Variants in CADPS2 observed in about 807,000 individuals in gnomAD.
CADPS2 encodes the protein calcium-dependent secretion activator 2.
In CADPS2, 93 loss-of-function variants were observed where a neutral mutation model predicts 172.5. The observed-to-expected ratio is 0.54, with a 90% CI of 0.46 to 0.64. The LOEUF is 0.64. Among genes scored for constraint, CADPS2 ranks in the 30% least tolerant of loss-of-function variants. CADPS2 has a pLI of 0.00. For missense variants in CADPS2, 1,420 were observed against 1,565.9 expected (o/e 0.91, Z 1.57); for synonymous variants, 546 against 555.2 (o/e 0.98, Z 0.23).
intron 6 of CADPS2, among the ~76,000 whole-genome samples, chr7:122,597,997 C>T (rs1474882812): frequency 2.0e-5 from 3 of 151,804 alleles, no homozygotes; most frequent in Non-Finnish European, 4.4e-5. Context: ...CCACAAAAAT[C>T]ATATATGTTT....
chr7:122,557,852 C>T (rs1466564852), intron 7 of CADPS2, among the ~76,000 whole-genome samples: 4 of 152,156 alleles, frequency 2.6e-5, no homozygotes, highest in Admixed American at 1.3e-4. Context: ...GCTCCTCCTG[C>T]TTCTAAGTAG....
intron 1 of CADPS2, among the ~76,000 whole-genome samples, chr7:122,851,998 A>G (rs1351592397): frequency 6.6e-6 from 1 of 152,242 alleles, no homozygotes; most frequent in Non-Finnish European, 1.5e-5. Flanking sequence ...TATACAAACC[A>G]GGAAACTGAG....
At chr7:122,614,599 A>C (rs997465837) in intron 6 of CADPS2, among the ~76,000 whole-genome samples, 52 of 152,192 alleles carry the variant, frequency 3.4e-4, no homozygotes, top group Admixed American at 1.2e-3. Context: ...ATGGTTCCCC[A>C]AGTTTGAATG....
At chr7:122,659,330 C>G (rs1308864573) in intron 3 of CADPS2, among the ~76,000 whole-genome samples, 1 of 96,148 alleles carries the variant, frequency 1.0e-5, no homozygotes, top group Non-Finnish European at 2.4e-5. Context: ...AAAAAAACAC[C>G]GTGGAAAAAA....
intron 19 of CADPS2, 60 bp from the exon 20 acceptor site, chr7:122,407,756 GT>G (rs773873880): frequency 1.2e-5 from 17 of 1,381,762 alleles, no homozygotes; most frequent in Non-Finnish European, 1.7e-5. Context: ...ACATGCACAA[GT>G]ACTGTGCCAG....
intron 4 of CADPS2, among the ~76,000 whole-genome samples, chr7:122,626,394 G>A (rs569991801): frequency 4.6e-5 from 7 of 152,236 alleles, no homozygotes; most frequent in Non-Finnish European, 8.8e-5. Flanking sequence ...AAAGATAAAG[G>A]ATTTCCTGAT....
chr7:122,336,736 C>T (rs559469979), intron 28 of CADPS2, among the ~76,000 whole-genome samples: 10 of 152,262 alleles, frequency 6.6e-5, no homozygotes, highest in Admixed American at 2.6e-4. Flanking sequence ...AATTTCTCCA[C>T]GAAAATGAAA....
intron 24 of CADPS2, among the ~76,000 whole-genome samples, chr7:122,381,917 T>A (rs1036432660): frequency 2.0e-5 from 3 of 152,192 alleles, no homozygotes; most frequent in African/African-American, 7.2e-5. Context: ...GATTCTGCTA[T>A]TGTAAATGTA....
intron 14 of CADPS2, among the ~76,000 whole-genome samples, chr7:122,460,297 G>A (rs1004288972): frequency 4.0e-5 from 6 of 151,398 alleles, no homozygotes; most frequent in African/African-American, 1.5e-4. Flanking sequence ...CCTGATGAAA[G>A]CAAAGAAGGG....
intron 3 of CADPS2, among the ~76,000 whole-genome samples, chr7:122,645,655 T>A (rs1419262732): frequency 4.3e-5 from 1 of 23,352 alleles, no homozygotes; most frequent in Non-Finnish European, 9.0e-5. Flanking sequence ...CATATATCTC[T>A]AAGATATATA....
chr7:122,494,320 A>G (rs948662828), intron 9 of CADPS2, among the ~76,000 whole-genome samples: 2 of 152,178 alleles, frequency 1.3e-5, no homozygotes, highest in Non-Finnish European at 2.9e-5. Flanking sequence ...AAACAAATGG[A>G]GAAGTACTCA....
At chr7:122,472,371 G>A (rs958811761) in intron 13 of CADPS2, among the ~76,000 whole-genome samples, 2 of 151,748 alleles carry the variant, frequency 1.3e-5, no homozygotes, top group African/African-American at 4.8e-5. Flanking sequence ...AAAAGAAAAG[G>A]AGTAAGAGAA....
At chr7:122,716,238 T>C (rs2089578483) in intron 2 of CADPS2, among the ~76,000 whole-genome samples, 1 of 152,110 alleles carries the variant, frequency 6.6e-6, no homozygotes, top group Non-Finnish European at 1.5e-5. Flanking sequence ...GAAGGAATAT[T>C]TGTTTTATGA....
At chr7:122,856,127 G>A (rs959845675) in intron 1 of CADPS2, among the ~76,000 whole-genome samples, 1 of 152,164 alleles carries the variant, frequency 6.6e-6, no homozygotes, top group Non-Finnish European at 1.5e-5. Flanking sequence ...GGAAGAGCAG[G>A]AAAACAGGCA....
chr7:122,769,008 C>T (rs2093634368), intron 1 of CADPS2, among the ~76,000 whole-genome samples: 1 of 151,604 alleles, frequency 6.6e-6, no homozygotes, highest in Non-Finnish European at 1.5e-5. Context: ...ATTTCTAGAT[C>T]ACAACAAGGC....
At chr7:122,508,744 G>T (rs2059808350) in intron 9 of CADPS2, among the ~76,000 whole-genome samples, 1 of 152,078 alleles carries the variant, frequency 6.6e-6, no homozygotes. Flanking sequence ...GGAATGAATG[G>T]ATGTGTGTTT....
intron 1 of CADPS2, among the ~76,000 whole-genome samples, chr7:122,809,416 A>G (rs1301371989): frequency 1.4e-5 from 2 of 143,318 alleles, no homozygotes; most frequent in African/African-American, 2.6e-5. Context: ...AAAAAAAAAA[A>G]AAAGAAAAAA....
rs1820121102 is a variant in CADPS2, at chr7:122,872,786, T to C, written c.339+13213A>G. On this transcript the variant is annotated intron_variant, in intron 1 of 29. Transcript: ENST00000449022. ...AGAATTTATTTTTCCCATATTCTAA[T>C]AAAAAATTCCATGCAGATCCAGAAA... 4.6e-5 allele frequency among the ~76,000 whole-genome samples: 7 copies of C among 152,004 alleles called. No homozygotes were observed. In the South Asian group the frequency reaches 1.5e-3, roughly 32 times the overall value.
intron 6 of CADPS2, among the ~76,000 whole-genome samples, chr7:122,605,377 C>T (rs2073379913): frequency 6.6e-6 from 1 of 152,114 alleles, no homozygotes; most frequent in South Asian, 2.1e-4. Context: ...TTTTCGGCTC[C>T]ATTATCAACT....
Sources: gnomAD v4.1 joint callset for allele counts (sites outside exome capture counted in the v4.1 genomes callset) on GRCh38, gnomAD v4.1.1 for gene constraint, MANE v1.5 for transcripts, NCBI Gene and HGNC (gene_info 2026-07-23, HGNC 2026-07-21) for gene names.